SLC5A12: variants seen among roughly 807,000 people sequenced by gnomAD.
SLC5A12 encodes sodium-coupled monocarboxylate transporter 2.
A neutral mutation model predicts 72.7 loss-of-function variants in SLC5A12; 46 were observed. The observed-to-expected ratio is 0.63, with a 90% confidence interval of 0.50 to 0.81. The LOEUF is 0.81. Ranked by LOEUF, SLC5A12 falls within the 30% of genes least tolerant of loss-of-function variation. The probability of loss-of-function intolerance (pLI) is 0.00; values close to 1 mark genes in which losing one functional copy is unlikely to be tolerated. For synonymous variants in SLC5A12, 275 were observed against 264.4 expected (o/e 1.04, Z -0.39); for missense variants, 683 against 740.7 (o/e 0.92, Z 0.90).
Position 26,721,455 on chromosome 11 carries a change from G to A in SLC5A12, c.260C>T (p.Ala87Val). Reference sequence around the variant, plus strand: ...TGTTAAGAGGATGACAAATAGGTAAGCAATGAAGAAGACTAGGAAGGATGC... The same window carrying A: ...TGTTAAGAGGATGACAAATAGGTAAACAATGAAGAAGACTAGGAAGGATGC... ...FGASFLVFFI[A>V]YLFVILLTSE... The change falls in exon 1 of 15, where the codon GCT becomes GTT. Residue 87 changes from alanine to valine, a missense_variant. Physicochemically the swap from Ala to Val is moderately conservative, Grantham distance 64. Coordinates refer to ENST00000396005, the MANE Select transcript of SLC5A12 (RefSeq NM_178498.4). The A allele has an allele frequency of 1.2e-6, 2 of 1,614,158 alleles. No homozygotes were observed. Among genetic ancestry groups the A allele is most frequent in the Non-Finnish European group, 8.5e-7 (1 of 1,180,020 alleles).
At position 26,668,815 on chromosome 11, in the gene SLC5A12, G is replaced by T. The variant is rs1365191003; in HGVS notation, c.*2287C>A. ...CAGAGATATTTTTATAATAATAATT[G>T]CATTTTCCAGTTGTATGACATTTTG... On this transcript the variant is annotated 3_prime_UTR_variant, in exon 15 of 15. Coordinates refer to ENST00000396005, the MANE Select transcript of SLC5A12 (RefSeq NM_178498.4). 2 of 151,924 alleles carry T rather than the reference G, an allele frequency of 1.3e-5. No individual in the cohort carries two copies. Among genetic ancestry groups the T allele is most frequent in the East Asian group, 1.9e-4 (1 of 5,186 alleles). The allele number at this position is 151,924 out of a possible 1,614,324, so 9.4% of individuals were successfully genotyped here. A position where few individuals can be genotyped will look rare whatever the true frequency, so the allele number is the denominator to read the frequency against.
chr11:26,681,710 C>T (rs560902725), intron 11 of SLC5A12, among the ~76,000 whole-genome samples: 6 of 152,190 alleles, frequency 3.9e-5, no homozygotes, highest in African/African-American at 1.4e-4. Flanking sequence ...CTAGCAAGTG[C>T]ATTTAATGGT....
At chr11:26,711,468 T>C in intron 2 of SLC5A12, 110 bp from the exon 3 acceptor site, 1 of 818,086 alleles carries the variant, frequency 1.2e-6, no homozygotes, top group Non-Finnish European at 2.1e-6. Context: ...AACTTGTTCA[T>C]GAAACATTGC....
intron 9 of SLC5A12, among the ~76,000 whole-genome samples, chr11:26,688,966 T>C (rs1425754378): frequency 6.6e-6 from 1 of 151,584 alleles, no homozygotes. Flanking sequence ...TAGACTCAGA[T>C]GTTAAAAAAA....
At chr11:26,698,375 C>T (rs1320412510) in intron 7 of SLC5A12, 31 bp downstream of exon 7, 2 of 1,608,520 alleles carry the variant, frequency 1.2e-6, no homozygotes, top group Admixed American at 1.7e-5. Context: ...TCATTCCAGA[C>T]ACTCGCCACT....
At chr11:26,714,339 A>G (rs1387911919) in intron 1 of SLC5A12, among the ~76,000 whole-genome samples, 2 of 152,146 alleles carry the variant, frequency 1.3e-5, no homozygotes, top group East Asian at 3.8e-4. Context: ...AATATGATAT[A>G]GTCCATACCA....
chr11:26,718,059 A>C (rs1192917108), intron 1 of SLC5A12, among the ~76,000 whole-genome samples: 1 of 152,210 alleles, frequency 6.6e-6, no homozygotes, highest in African/African-American at 2.4e-5. Context: ...GTGGATAAAG[A>C]GACTCCACCT....
At chr11:26,698,593 G>A in intron 6 of SLC5A12, 58 bp from the exon 7 acceptor site, 2 of 1,545,088 alleles carry the variant, frequency 1.3e-6, no homozygotes, top group Admixed American at 1.9e-5. Context: ...ACTGTGGTGA[G>A]GTCATTACCA....
In SLC5A12 at chr11:26,668,174, A is replaced by T. The variant is rs1313270058; in HGVS notation, c.*2928T>A. On this transcript the variant is annotated 3_prime_UTR_variant, in exon 15 of 15. Coordinates refer to ENST00000396005, the MANE Select transcript of SLC5A12 (RefSeq NM_178498.4). ...CATTTGACTGCAGTTCCTCACCTCA[A>T]TCATAAGCTGTTGTAGTTCTTATTC... 2.0e-5 allele frequency: 3 copies of T among 152,014 alleles called. No individual in the cohort carries two copies. Among genetic ancestry groups the T allele is most frequent in the African/African-American group, 7.2e-5 (3 of 41,416 alleles). 9.4% of individuals were successfully genotyped at this position (152,014 alleles called of 1,614,324 possible).
At chr11:26,691,463 GT>G (rs34043474) in intron 9 of SLC5A12, among the ~76,000 whole-genome samples, 6 of 150,116 alleles carry the variant, frequency 4.0e-5, no homozygotes, top group African/African-American at 7.3e-5. Context: ...TTATGTACAT[GT>G]TTTTTTTTGT....
chr11:26,696,418 G>A (rs896870520), intron 8 of SLC5A12, among the ~76,000 whole-genome samples: 2 of 152,234 alleles, frequency 1.3e-5, no homozygotes, highest in East Asian at 3.8e-4. Context: ...GCAAAGAATA[G>A]ATGTGCAGAA....
chr11:26,703,331 GC>G (rs79647701), intron 6 of SLC5A12, among the ~76,000 whole-genome samples, 199 bp downstream of exon 6: 4,089 of 151,918 alleles, frequency 0.027, 135 homozygotes, highest in African/African-American at 0.077. Flanking sequence ...CCCCACCTCT[GC>G]CACTTCCTGC....
chr11:26,678,881 G>T (rs1370253375), intron 12 of SLC5A12, 66 bp from the exon 13 acceptor site: 7 of 1,022,232 alleles, frequency 6.8e-6, no homozygotes, highest in Non-Finnish European at 1.0e-5. Context: ...GTAGAGGACT[G>T]CTCAGGATTC....
intron 1 of SLC5A12, among the ~76,000 whole-genome samples, chr11:26,714,934 T>C (rs183066040): frequency 5.8e-4 from 89 of 152,234 alleles, no homozygotes; most frequent in African/African-American, 2.1e-3. Flanking sequence ...CCGGTGAATA[T>C]GTGAATGAGG....
At chr11:26,690,646 TAAAAA>T (rs747754564) in intron 9 of SLC5A12, among the ~76,000 whole-genome samples, 2 of 92,776 alleles carry the variant, frequency 2.2e-5, no homozygotes, top group African/African-American at 8.1e-5. Context: ...CCACCTCTAC[TAAAAA>T]AAAAAAAAAA....
intron 13 of SLC5A12, among the ~76,000 whole-genome samples, chr11:26,678,505 G>A (rs116831505): frequency 0.015 from 2,261 of 151,888 alleles, 52 homozygotes; most frequent in African/African-American, 0.051. Flanking sequence ...TCAGCCTCCC[G>A]TGAATATATG....
rs775274964 is a variant in SLC5A12 at position 26,692,476 on chromosome 11, C to A, written c.1153+13G>T. The A allele has an allele frequency of 9.7e-6, 15 of 1,552,924 alleles. No individual in the cohort carries two copies. Among genetic ancestry groups the A allele is most frequent in the Non-Finnish European group, 1.3e-5 (15 of 1,124,328 alleles). On this transcript the variant is annotated intron_variant, in intron 9 of 14. Coordinates refer to ENST00000396005, the MANE Select transcript of SLC5A12 (RefSeq NM_178498.4). The stretch of plus-strand genomic sequence containing the variant: ...TCATGATATGGAATAGAAAGTCCAC[C>A]AGCTGTACCTACATAAGCCTTTACT...
intron 13 of SLC5A12, among the ~76,000 whole-genome samples, chr11:26,677,159 A>C (rs1854285430): frequency 6.6e-6 from 1 of 152,122 alleles, no homozygotes; most frequent in African/African-American, 2.4e-5. Context: ...GTCATGTTCA[A>C]AAATTTTTCC....
At chr11:26,673,667 A>G (rs1262501946) in intron 13 of SLC5A12, 138 bp from the exon 14 acceptor site, 1 of 1,164,370 alleles carries the variant, frequency 8.6e-7, no homozygotes, top group Non-Finnish European at 1.2e-6. Flanking sequence ...TAATAAACAG[A>G]AATTGGTTAA....
Sources: gnomAD v4.1 joint callset for allele counts (sites outside exome capture counted in the v4.1 genomes callset) on GRCh38, gnomAD v4.1.1 for gene constraint, MANE v1.5 for transcripts, NCBI Gene and HGNC (gene_info 2026-07-23, HGNC 2026-07-21) for gene names.